The following SI variants were observed in gnomAD, a reference collection of about 807,000 sequenced individuals.
The protein encoded by SI is sucrase-isomaltase, intestinal.
In SI, 235 loss-of-function variants were observed where a neutral mutation model predicts 253.3. The ratio of observed to expected loss-of-function variants is 0.93; its 90% CI spans 0.83 to 1.03. The LOEUF is 1.03. Among genes scored for constraint, SI ranks in the 50% least tolerant of loss-of-function variants. SI has a pLI of 0.00. For missense variants in SI, 2,442 were observed against 2,211.1 expected, an observed-to-expected ratio of 1.10 and a Z score of -2.09; for synonymous variants, 819 against 712.0, an observed-to-expected ratio of 1.15 and a Z score of -2.39.
At position 165,065,341 on chromosome 3, in the gene SI, C is replaced by A. The variant is rs775432797; in HGVS notation, c.727G>T (p.Glu243Ter). 1 of 1,601,902 alleles carries A rather than the reference C, an allele frequency of 6.2e-7. No individual in the cohort carries two copies. The highest frequency in any genetic ancestry group is 8.5e-7 in the Non-Finnish European group (1 of 1,170,550). Reference sequence around the variant, plus strand: ...TGACGAAATCTCTTATGAACTTGTTCTCCAATACCATAAATATAATCACTT... The same window carrying A: ...TGACGAAATCTCTTATGAACTTGTTATCCAATACCATAAATATAATCACTT... ...LPSDYIYGIG[E>*]QVHKRFRHDL... The change falls in exon 7 of 48, where the codon GAA becomes TAA. Residue 243 changes from glutamate (E) to a stop codon, truncating the protein, a stop_gained. Transcript: ENST00000264382. LOFTEE classifies it high-confidence loss of function.
intron 3 of SI, among the ~76,000 whole-genome samples, chr3:165,070,511 C>T (rs1370941654): frequency 2.7e-5 from 4 of 150,930 alleles, no homozygotes; most frequent in African/African-American, 9.7e-5. Flanking sequence ...GCAATTTTAT[C>T]TCCAGTTATC....
intron 25 of SI, among the ~76,000 whole-genome samples, chr3:165,027,597 A>G (rs1215108758): frequency 1.3e-5 from 2 of 151,414 alleles, no homozygotes; most frequent in Non-Finnish European, 3.0e-5. Flanking sequence ...CAACATATCA[A>G]AAAGATAGCC....
chr3:165,021,417 G>C (rs1454142724), intron 26 of SI, 34 bp from the exon 27 acceptor site: 1 of 1,533,936 alleles, frequency 6.5e-7, no homozygotes, highest in Non-Finnish European at 9.0e-7. Context: ...AGTTTATTCT[G>C]ATTGCTGACA....
chr3:165,080,608 T>C (rs577515727), upstream of SI, among the ~76,000 whole-genome samples: 4 of 152,100 alleles, frequency 2.6e-5, no homozygotes, highest in South Asian at 2.1e-4. Context: ...TGTAGGGACA[T>C]GGATGAAGCT....
intron 15 of SI, among the ~76,000 whole-genome samples, chr3:165,048,584 T>TAGAGAGAG (rs566703011): frequency 3.5e-4 from 44 of 125,264 alleles, no homozygotes; most frequent in East Asian, 1.2e-3. Context: ...TATATATATA[T>TAGAGAGAG]AGAGAGAGAG....
At position 165,007,956 on chromosome 3, in the gene SI, T is replaced by A. The variant is rs1375047022; in HGVS notation, c.4222A>T (p.Asn1408Tyr). 6.2e-7 allele frequency: 1 copy of A among 1,603,028 alleles called. No homozygotes were observed. ...TTTAGTTCGTCATTTCTGCATTGAT[T>A]AGTAGTTGTTCCATTTACAAAACTT... ...PSSFVNGTTT[N>Y]QCRNDELNYP... The change falls in exon 36 of 48, where the codon AAT becomes TAT. Residue 1408 changes from asparagine to tyrosine, a missense_variant. By Grantham distance (143) the Asn-to-Tyr change is moderately radical. Coordinates refer to ENST00000264382, the MANE Select transcript of SI (RefSeq NM_001041.4).
At chr3:165,072,426 A>C (rs559010700) in intron 3 of SI, among the ~76,000 whole-genome samples, 1 of 148,258 alleles carries the variant, frequency 6.7e-6, no homozygotes, top group Non-Finnish European at 1.5e-5. Flanking sequence ...CAACAACAAC[A>C]ACAAAAAACC....
chr3:165,042,936 A>C (rs891544978), intron 17 of SI, 123 bp downstream of exon 17: 3 of 733,864 alleles, frequency 4.1e-6, no homozygotes, highest in Admixed American at 2.0e-5. Context: ...GGGACTTCTA[A>C]CAATGTCTTA....
At chr3:165,056,769 T>G (rs543218601) in intron 12 of SI, among the ~76,000 whole-genome samples, 39 of 152,258 alleles carry the variant, frequency 2.6e-4, no homozygotes, top group Non-Finnish European at 4.9e-4. Context: ...TTATTGGGCT[T>G]GAGGTGCCTC....
At chr3:164,997,178 A>C (rs1718048477) in intron 38 of SI, among the ~76,000 whole-genome samples, 2 of 151,908 alleles carry the variant, frequency 1.3e-5, no homozygotes, top group South Asian at 4.1e-4. Flanking sequence ...TTTGAAAAAA[A>C]CTGAACCATT....
intron 44 of SI, among the ~76,000 whole-genome samples, chr3:164,987,778 A>G (rs1212057902): frequency 2.0e-5 from 3 of 152,198 alleles, no homozygotes; most frequent in African/African-American, 4.8e-5. Context: ...ATGTAATGTA[A>G]CAAATCAGAA....
At chr3:164,997,402 A>AT (rs1212935574) in intron 38 of SI, among the ~76,000 whole-genome samples, 1 of 150,404 alleles carries the variant, frequency 6.6e-6, no homozygotes, top group Non-Finnish European at 1.5e-5. Context: ...TTATTCTACT[A>AT]TTGTCACAAA....
In SI at chr3:165,036,594, A is replaced by T; in HGVS notation, c.2427-117T>A. 10 of 641,244 alleles carry T rather than the reference A, an allele frequency of 1.6e-5. No homozygotes were observed. The South Asian group carries it at 1.8e-4, about 11-fold the overall frequency. The allele number at this position is 641,244 out of a possible 1,614,324, so 39.7% of individuals were successfully genotyped here. A position where few individuals can be genotyped will look rare whatever the true frequency, so the allele number is the denominator to read the frequency against. ...TATGGGCCCTGAATTCAGTAAGGACATTGACATCAATAAATTTGTATTTAT... is the reference window on the plus strand; with the variant it reads ...TATGGGCCCTGAATTCAGTAAGGACTTTGACATCAATAAATTTGTATTTAT... On this transcript the variant is annotated intron_variant, in intron 21 of 47. Coordinates refer to ENST00000264382, the MANE Select transcript of SI (RefSeq NM_001041.4).
Position 165,036,296 on chromosome 3 carries a change from G to A in SI, c.2515+93C>T, listed in dbSNP as rs1386827159. The A allele has an allele frequency of 5.3e-5, 43 of 815,190 alleles. No homozygotes were observed. In the East Asian group the frequency reaches 8.2e-4, roughly 16 times the overall value. 50.5% of individuals were successfully genotyped at this position (815,190 alleles called of 1,614,324 possible). On this transcript the variant is annotated intron_variant, in intron 22 of 47. Coordinates refer to ENST00000264382, the MANE Select transcript of SI (RefSeq NM_001041.4). Reference sequence around the variant, plus strand: ...CATTAGGAATTAAAAATAAAAATTCGTGATATTTAAAAAATGATACAACCT... The same window carrying A: ...CATTAGGAATTAAAAATAAAAATTCATGATATTTAAAAAATGATACAACCT...
chr3:165,080,516 T>G (rs1476055004), upstream of SI, among the ~76,000 whole-genome samples: 1 of 151,982 alleles, frequency 6.6e-6, no homozygotes. Context: ...TGTCCATCAA[T>G]GATAGACTGG....
In SI at chr3:164,982,400, G is replaced by A; in HGVS notation, c.5258C>T (p.Thr1753Ile). The A allele has an allele frequency of 1.9e-6, 3 of 1,609,112 alleles. No individual in the cohort carries two copies. Among genetic ancestry groups the A allele is most frequent in the Non-Finnish European group, 2.6e-6 (3 of 1,176,136 alleles). The change falls in exon 47 of 48, where the codon ACA becomes ATA. Residue 1753 changes from threonine (T) to isoleucine (I), a missense_variant. Physicochemically the swap from Thr to Ile is moderately conservative, Grantham distance 89. Coordinates refer to ENST00000264382, the MANE Select transcript of SI (RefSeq NM_001041.4). ...GTAACCTCTCTTCAATATAGTGCTTGTTAAGGTGGTCTATAAATAAAGAAA... is the reference window on the plus strand; with the variant it reads ...GTAACCTCTCTTCAATATAGTGCTTATTAAGGTGGTCTATAAATAAAGAAA... ...VQFNLNQTTL[T>I]STILKRGYIN...
At chr3:165,031,935 A>G (rs928122961) in intron 24 of SI, among the ~76,000 whole-genome samples, 3 of 151,298 alleles carry the variant, frequency 2.0e-5, no homozygotes, top group Middle Eastern at 3.4e-3. Context: ...TGTGCATCCA[A>G]TAACAGTGCA....
chr3:165,038,923 T>G (rs1712674372), intron 20 of SI, among the ~76,000 whole-genome samples, 155 bp downstream of exon 20: 1 of 152,080 alleles, frequency 6.6e-6, no homozygotes, highest in South Asian at 2.1e-4. Flanking sequence ...TTTTAACACA[T>G]TTTTAAAGTC....
At chr3:165,048,735 A>G (rs1470230057) in intron 15 of SI, among the ~76,000 whole-genome samples, 1 of 151,782 alleles carries the variant, frequency 6.6e-6, no homozygotes, top group Non-Finnish European at 1.5e-5. Context: ...CTTCTGCCTC[A>G]GCCTCCGAAG....
Sources: allele counts gnomAD v4.1 joint callset (sites outside exome capture counted in the v4.1 genomes callset), GRCh38; gene constraint gnomAD v4.1.1; transcripts MANE v1.5; gene names NCBI Gene and HGNC (gene_info 2026-07-23, HGNC 2026-07-21).